Variants in RHBDD1 observed in about 807,000 individuals in gnomAD.
The protein encoded by RHBDD1 is rhomboid domain containing 1, also known as rhomboid-related protein 4.
In RHBDD1, 38 loss-of-function variants were observed where a neutral mutation model predicts 36.3. The observed-to-expected ratio is 1.05, with a 90% CI of 0.81 to 1.37. The LOEUF (loss-of-function observed/expected upper bound fraction) is 1.37. Ranked by LOEUF, RHBDD1 falls within the 40% of genes most tolerant of loss-of-function variation. The pLI is 0.00. For synonymous variants in RHBDD1, 151 were observed against 136.5 expected (o/e 1.11, Z -0.74); for missense variants, 393 against 377.6 (o/e 1.04, Z -0.34).
intron 8 of RHBDD1, 109 bp downstream of exon 8, chr2:226,914,460 A>G (rs1948756923): frequency 7.9e-7 from 1 of 1,270,920 alleles, no homozygotes; most frequent in South Asian, 1.6e-5. Flanking sequence ...CAGAAAAAGG[A>G]TATGTAGATG....
At chr2:226,919,924 T>A (rs985612047) in intron 8 of RHBDD1, among the ~76,000 whole-genome samples, 1 of 152,090 alleles carries the variant, frequency 6.6e-6, no homozygotes, top group African/African-American at 2.4e-5. Context: ...AGTATGGACA[T>A]TTTAACAATA....
rs534242844 is a variant in RHBDD1, at chr2:226,980,474, T to TTCTCTGAACTTCCATTTCCCA, written c.857-14949_857-14929dup. 1.7e-4 allele frequency among the ~76,000 whole-genome samples: 26 copies of TTCTCTGAACTTCCATTTCCCA among 152,272 alleles called. No individual in the cohort carries two copies. The East Asian group carries it at 5.0e-3, about 29-fold the overall frequency. On this transcript the variant is annotated intron_variant, in intron 8 of 8. Transcript: ENST00000392062. ...TTAGCTCTTAGGAAAACCATTTACC[T>TTCTCTGAACTTCCATTTCCCA]TCTCTGAACTTCCATTTCCCATCTC...
intron 3 of RHBDD1, among the ~76,000 whole-genome samples, chr2:226,849,282 G>T (rs186585165): frequency 2.0e-5 from 3 of 152,334 alleles, no homozygotes; most frequent in African/African-American, 7.2e-5. Flanking sequence ...AAGGTATAAG[G>T]AAAACACACC....
chr2:226,954,786 A>G (rs1048078790), intron 8 of RHBDD1, among the ~76,000 whole-genome samples: 6 of 152,200 alleles, frequency 3.9e-5, no homozygotes, highest in Admixed American at 3.9e-4. Context: ...AAGGTTCACC[A>G]AAGACCTTTC....
At chr2:226,937,749 C>T (rs1241275923) in intron 8 of RHBDD1, among the ~76,000 whole-genome samples, 1 of 152,166 alleles carries the variant, frequency 6.6e-6, no homozygotes, top group Non-Finnish European at 1.5e-5. Flanking sequence ...CAGCTTCACT[C>T]ATGTCCTTGC....
intron 3 of RHBDD1, among the ~76,000 whole-genome samples, chr2:226,843,976 A>G (rs1261292127): frequency 6.6e-6 from 1 of 152,070 alleles, no homozygotes; most frequent in African/African-American, 2.4e-5. Context: ...CTATTCAGGG[A>G]TTCAATTTCT....
At chr2:226,860,347 C>A (rs1457338525) in intron 3 of RHBDD1, among the ~76,000 whole-genome samples, 7 of 152,122 alleles carry the variant, frequency 4.6e-5, no homozygotes, top group Non-Finnish European at 7.4e-5. Flanking sequence ...TTTCCAAAAC[C>A]CAACAGATTT....
intron 3 of RHBDD1, among the ~76,000 whole-genome samples, chr2:226,843,239 T>G (rs1280553420): frequency 6.6e-6 from 1 of 152,230 alleles, no homozygotes; most frequent in Non-Finnish European, 1.5e-5. Flanking sequence ...ACTTCCTCTC[T>G]TCCTATTTGA....
At chr2:226,947,243 G>A (rs533271839) in intron 8 of RHBDD1, among the ~76,000 whole-genome samples, 379 of 151,416 alleles carry the variant, frequency 2.5e-3, no homozygotes, top group African/African-American at 8.6e-3. Context: ...TAGGTCTAAC[G>A]TTTAAATCTT....
At chr2:226,935,897 C>T (rs2149125805) in intron 8 of RHBDD1, among the ~76,000 whole-genome samples, 1 of 152,106 alleles carries the variant, frequency 6.6e-6, no homozygotes, top group East Asian at 1.9e-4. Flanking sequence ...TTATACAAGC[C>T]TTTATTGGCC....
At chr2:226,956,388 G>T (rs1157265033) in intron 8 of RHBDD1, among the ~76,000 whole-genome samples, 2 of 152,170 alleles carry the variant, frequency 1.3e-5, no homozygotes, top group African/African-American at 4.8e-5. Context: ...AGTAATAGCT[G>T]CAGGAGTAGG....
upstream of RHBDD1, among the ~76,000 whole-genome samples, chr2:226,835,399 G>T (rs546796881): frequency 7.3e-4 from 111 of 152,214 alleles, no homozygotes; most frequent in Non-Finnish European, 1.2e-3. Flanking sequence ...ATGGGCAAAC[G>T]TTGCGTGGTG....
intron 8 of RHBDD1, among the ~76,000 whole-genome samples, chr2:226,924,135 G>A (rs1949513499): frequency 6.6e-6 from 1 of 152,166 alleles, no homozygotes; most frequent in South Asian, 2.1e-4. Context: ...AAGCCAGCAT[G>A]TCTCTGAGTC....
At chr2:226,937,278 A>C (rs915162331) in intron 8 of RHBDD1, among the ~76,000 whole-genome samples, 1 of 152,146 alleles carries the variant, frequency 6.6e-6, no homozygotes, top group Non-Finnish European at 1.5e-5. Context: ...GGGTGTGAAC[A>C]AGTTTTTATA....
At chr2:226,831,026 T>C (rs758693110), upstream of RHBDD1, among the ~76,000 whole-genome samples, 19 of 152,368 alleles carry the variant, frequency 1.2e-4, no homozygotes, top group Non-Finnish European at 2.6e-4. Flanking sequence ...TTCATACATA[T>C]TGCCATATTT....
At chr2:226,884,604 C>G (rs888154280) in intron 5 of RHBDD1, among the ~76,000 whole-genome samples, 8 of 152,046 alleles carry the variant, frequency 5.3e-5, no homozygotes, top group Non-Finnish European at 4.4e-5. Flanking sequence ...TTTATATTGC[C>G]ATAGTTTCTG....
chr2:226,914,318 G>A lies in RHBDD1; in HGVS notation c.823G>A (p.Glu275Lys), dbSNP rs145152327. The change falls in exon 8 of 9, where the codon GAG becomes AAG. Residue 275 changes from glutamate to lysine, a missense_variant. Glu to Lys is a moderately conservative substitution (Grantham distance 56). Coordinates refer to ENST00000392062, the MANE Select transcript of RHBDD1 (RefSeq NM_001167608.3). ...AGGACTGAGTGAAGAAGAACAGCTC[G>A]AGAGAGCATTACAAGCCAGCCTCTG... is the stretch of plus-strand genomic sequence containing the variant. The part of the protein sequence containing the change: ...TAGLSEEEQL[E>K]RALQASLWDR... The A allele has an allele frequency of 9.7e-5, 157 of 1,613,540 alleles. No individual in the cohort carries two copies. The Middle Eastern group carries it at 1.5e-3, about 15-fold the overall frequency.
the RHBDD1 span, among the ~76,000 whole-genome samples, chr2:226,810,638 A>G: frequency 6.6e-6 from 1 of 151,832 alleles, no homozygotes; most frequent in Non-Finnish European, 1.5e-5. Context: ...AGCATCCTAA[A>G]GATCTTCATC....
upstream of RHBDD1, among the ~76,000 whole-genome samples, chr2:226,833,698 T>C (rs1419689390): frequency 2.6e-5 from 4 of 152,250 alleles, no homozygotes; most frequent in Non-Finnish European, 5.9e-5. Context: ...TATATGGTAA[T>C]GTAGTGATTA....
Sources: gnomAD v4.1 joint callset for allele counts (sites outside exome capture counted in the v4.1 genomes callset) on GRCh38, gnomAD v4.1.1 for gene constraint, MANE v1.5 for transcripts, NCBI Gene and HGNC (gene_info 2026-07-23, HGNC 2026-07-21) for gene names.